SUN5: variants seen among roughly 807,000 people sequenced by gnomAD.
SUN5 encodes SUN domain-containing protein 5.
SUN5 carries 44 observed loss-of-function variants against 53.7 expected under a neutral mutation model. The ratio of observed to expected loss-of-function variants is 0.82; its 90% CI spans 0.64 to 1.05. SUN5 has a LOEUF of 1.05. Among genes scored for constraint, SUN5 ranks in the 50% least tolerant of loss-of-function variants. SUN5 has a pLI of 0.00. For synonymous variants in SUN5, 166 were observed against 179.8 expected (o/e 0.92, Z 0.62); for missense variants, 433 against 483.8 (o/e 0.90, Z 0.98).
At chr20:32,992,174 G>T (rs985629639) in intron 8 of SUN5, among the ~76,000 whole-genome samples, 3 of 152,178 alleles carry the variant, frequency 2.0e-5, no homozygotes, top group African/African-American at 7.2e-5. Flanking sequence ...AGGATGTTTA[G>T]CAGCATCCTT....
intron 12 of SUN5, 21 bp downstream of exon 12, chr20:32,985,078 C>A: frequency 6.2e-7 from 1 of 1,613,398 alleles, no homozygotes; most frequent in Non-Finnish European, 8.5e-7. Context: ...GTGCTCAGCA[C>A]AGGCAGCTCT....
At chr20:32,998,547 A>G (rs1989913472) in intron 5 of SUN5, among the ~76,000 whole-genome samples, 1 of 152,210 alleles carries the variant, frequency 6.6e-6, no homozygotes, top group African/African-American at 2.4e-5. Context: ...AACTAGGAAT[A>G]GAAGGGAAAC....
At chr20:32,985,048 G>T in intron 12 of SUN5, 51 bp downstream of exon 12, 3 of 1,588,868 alleles carry the variant, frequency 1.9e-6, no homozygotes, top group Non-Finnish European at 2.6e-6. Context: ...GGTACAGACT[G>T]CACACTGTGC....
intron 10 of SUN5, 91 bp downstream of exon 10, chr20:32,987,569 C>T: frequency 4.1e-6 from 3 of 732,166 alleles, no homozygotes; most frequent in Admixed American, 2.7e-5. Flanking sequence ...TCCCTTTGCT[C>T]CCACCCCCTA....
intron 8 of SUN5, among the ~76,000 whole-genome samples, chr20:32,991,131 T>C (rs6058998): frequency 0.34 from 52,378 of 152,038 alleles, 9,710 homozygotes; most frequent in East Asian, 0.79. Flanking sequence ...GGAATTTCCC[T>C]GATGGCCCCC....
At chr20:33,002,695 A>G (rs758043915) in intron 2 of SUN5, 34 bp from the exon 3 acceptor site, 2 of 1,613,086 alleles carry the variant, frequency 1.2e-6, no homozygotes, top group South Asian at 2.2e-5. Context: ...TGTCACTGCC[A>G]GCCTCTTGAT....
intron 4 of SUN5, among the ~76,000 whole-genome samples, chr20:33,000,890 G>T (rs1003591334): frequency 6.6e-6 from 1 of 151,992 alleles, no homozygotes; most frequent in Non-Finnish European, 1.5e-5. Flanking sequence ...ATGTGTGGAG[G>T]TGGGAATAGG....
In SUN5 at chr20:33,002,990, C is replaced by G. The variant is rs922918587; in HGVS notation, c.78-71G>C. The G allele has an allele frequency of 1.2e-5, 19 of 1,552,126 alleles. No homozygotes were observed. In the African/African-American group the frequency reaches 2.4e-4, roughly 20 times the overall value. Reference sequence around the variant, plus strand: ...CATAGTGTCCTTGGAATGTGCATACCACGTTCCAGATTGGGAAACTGAGGT... The same window carrying G: ...CATAGTGTCCTTGGAATGTGCATACGACGTTCCAGATTGGGAAACTGAGGT... On this transcript the variant is annotated intron_variant, in intron 1 of 12. Transcript: ENST00000356173.
Position 32,985,090 on chromosome 20 carries a change from C to T in SUN5, c.984+9G>A, listed in dbSNP as rs373346509. The T allele has an allele frequency of 9.9e-5, 160 of 1,613,898 alleles. No individual in the cohort carries two copies. The highest frequency in any genetic ancestry group is 1.2e-4 in the Non-Finnish European group (138 of 1,179,924). ...CAGGTGCTCAGCACAGGCAGCTCTT[C>T]GCAGGTACCTGGAGTGGGAACATCT... On this transcript the variant is annotated intron_variant, in intron 12 of 12. Transcript: ENST00000356173.
At chr20:32,999,520 A>G (rs570646879) in intron 5 of SUN5, among the ~76,000 whole-genome samples, 56 of 152,222 alleles carry the variant, frequency 3.7e-4, no homozygotes, top group African/African-American at 1.3e-3. Flanking sequence ...TGAACCCGGG[A>G]GGCGGAGGTT....
chr20:32,997,634 T>A lies in SUN5; in HGVS notation c.390+4A>T, dbSNP rs766073380. On this transcript the variant is annotated splice_donor_region_variant and intron_variant, in intron 6 of 12. Coordinates refer to ENST00000356173, the MANE Select transcript of SUN5 (RefSeq NM_080675.4). ...TGTGGGGCCTGAGGAGGGTGCACACTCACCTGCCAGACTTTCATTTTCGAT... is the reference window on the plus strand; with the variant it reads ...TGTGGGGCCTGAGGAGGGTGCACACACACCTGCCAGACTTTCATTTTCGAT... 3.1e-6 allele frequency: 5 copies of A among 1,613,868 alleles called. No individual in the cohort carries two copies. Among genetic ancestry groups the A allele is most frequent in the Non-Finnish European group, 4.2e-6 (5 of 1,179,956 alleles).
At position 32,997,528 on chromosome 20, in the gene SUN5, G is replaced by A. The variant is rs1989884605; in HGVS notation, c.390+110C>T. 26 of 1,148,778 alleles carry A rather than the reference G, an allele frequency of 2.3e-5. 1 individual carries two copies. The South Asian group carries it at 3.1e-4, about 14-fold the overall frequency. The allele number at this position is 1,148,778 out of a possible 1,614,324, so 71.2% of individuals were successfully genotyped here. A position where few individuals can be genotyped will look rare whatever the true frequency, so the allele number is the denominator to read the frequency against. ...GAGATTTGGATCTGGGTCAAGTCAGGAACTGATGAGGGGCCCCATTTGGTG... is the reference window on the plus strand; with the variant it reads ...GAGATTTGGATCTGGGTCAAGTCAGAAACTGATGAGGGGCCCCATTTGGTG... On this transcript the variant is annotated intron_variant, in intron 6 of 12. Coordinates refer to ENST00000356173, the MANE Select transcript of SUN5 (RefSeq NM_080675.4).
At chr20:32,998,175 C>CAAAAAAAAAAAAA (rs35729664) in intron 5 of SUN5, among the ~76,000 whole-genome samples, 211 of 59,622 alleles carry the variant, frequency 3.5e-3, no homozygotes, top group Non-Finnish European at 4.7e-3. Flanking sequence ...CCCATCTCTA[C>CAAAAAAAAAAAAA]AAAAAAAAAA....
chr20:32,993,415 G>A (rs1321004307), intron 8 of SUN5, among the ~76,000 whole-genome samples: 1 of 152,208 alleles, frequency 6.6e-6, no homozygotes, highest in Non-Finnish European at 1.5e-5. Context: ...TCTGGGCTTA[G>A]GCCAGACAAT....
chr20:32,998,169 T>A (rs1989901616), intron 5 of SUN5, among the ~76,000 whole-genome samples: 2 of 73,780 alleles, frequency 2.7e-5, no homozygotes, highest in Admixed American at 3.9e-4. Context: ...TGAAACCCCA[T>A]CTCTACAAAA....
At chr20:32,998,646 A>G (rs1370176758) in intron 5 of SUN5, among the ~76,000 whole-genome samples, 2 of 152,160 alleles carry the variant, frequency 1.3e-5, no homozygotes, top group African/African-American at 2.4e-5. Context: ...CCCTAAGATC[A>G]GGGATGAGAC....
At chr20:33,004,176 A>G (rs547293447) in intron 1 of SUN5, 88 bp downstream of exon 1, 43 of 1,383,902 alleles carry the variant, frequency 3.1e-5, no homozygotes, top group African/African-American at 2.9e-4. Context: ...TACAGTTGAC[A>G]ATGCCACTCA....
intron 5 of SUN5, among the ~76,000 whole-genome samples, chr20:32,998,193 A>AAAT (rs1320963059): frequency 6.6e-6 from 1 of 150,732 alleles, no homozygotes; most frequent in Non-Finnish European, 1.5e-5. Flanking sequence ...AAAAAAAAAA[A>AAAT]AAAAAATACA....
At chr20:32,987,827 A>AG in intron 9 of SUN5, 52 bp from the exon 10 acceptor site, 1 of 1,468,952 alleles carries the variant, frequency 6.8e-7, no homozygotes, top group East Asian at 2.3e-5. Flanking sequence ...TGCCTGGTGG[A>AG]GGGGACGCCA....
Sources: allele counts gnomAD v4.1 joint callset (sites outside exome capture counted in the v4.1 genomes callset), GRCh38; gene constraint gnomAD v4.1.1; transcripts MANE v1.5; gene names NCBI Gene and HGNC (gene_info 2026-07-23, HGNC 2026-07-21).